Variants in RTN4RL1 observed in about 807,000 individuals in gnomAD.
RTN4RL1 encodes reticulon 4 receptor like 1.
RTN4RL1 carries 7 observed loss-of-function variants against 25.6 expected under a neutral mutation model. The ratio of observed to expected loss-of-function variants is 0.27; its 90% confidence interval spans 0.16 to 0.51. The LOEUF is 0.51. RTN4RL1 is among the 20% of genes least tolerant of loss of function. The pLI is 0.97. For synonymous variants in RTN4RL1, 297 were observed against 288.2 expected, an observed-to-expected ratio of 1.03 and a Z score of -0.31; for missense variants, 500 against 615.6, an observed-to-expected ratio of 0.81 and a Z score of 1.99.
At chr17:2,001,760 A>G (rs927135826) in intron 1 of RTN4RL1, among the ~76,000 whole-genome samples, 2 of 152,124 alleles carry the variant, frequency 1.3e-5, no homozygotes, top group Non-Finnish European at 2.9e-5. Flanking sequence ...GCCCCTCCTC[A>G]ATGGCCAGTG....
intron 1 of RTN4RL1, among the ~76,000 whole-genome samples, chr17:1,961,138 T>A (rs1318315945): frequency 2.6e-5 from 4 of 152,070 alleles, no homozygotes; most frequent in Non-Finnish European, 1.5e-5. Flanking sequence ...TATTTGTGGA[T>A]TGAATGAGCC....
At chr17:1,988,506 C>CAAAAAAA (rs777393625) in intron 1 of RTN4RL1, among the ~76,000 whole-genome samples, 1 of 80,480 alleles carries the variant, frequency 1.2e-5, no homozygotes, top group African/African-American at 5.7e-5. Flanking sequence ...GACTCTGTCT[C>CAAAAAAA]AAAAAAAAAA....
intron 1 of RTN4RL1, among the ~76,000 whole-genome samples, chr17:1,991,487 A>G (rs2066908896): frequency 6.6e-6 from 1 of 151,700 alleles, no homozygotes; most frequent in South Asian, 2.1e-4. Context: ...CAAAGAACAC[A>G]AAAGGGTATA....
intron 1 of RTN4RL1, among the ~76,000 whole-genome samples, chr17:2,022,916 C>A (rs912786414): frequency 3.9e-5 from 6 of 152,204 alleles, no homozygotes; most frequent in Non-Finnish European, 8.8e-5. Flanking sequence ...AGCCTCCCCC[C>A]GGGGAGCGGC....
intron 1 of RTN4RL1, among the ~76,000 whole-genome samples, chr17:1,940,908 G>T (rs1308038263): frequency 6.6e-6 from 1 of 152,168 alleles, no homozygotes; most frequent in South Asian, 2.1e-4. Flanking sequence ...TTTTGGGGAC[G>T]GGGCCACAGC....
rs562227289 is a variant in RTN4RL1 at position 1,935,895 on chromosome 17, T to A, written c.*601A>T. 1.5e-3 allele frequency: 1,441 copies of A among 985,484 alleles called. 1 individual carries two copies. The highest frequency in any genetic ancestry group is 1.6e-3 in the Non-Finnish European group (1,340 of 829,886). 61.0% of individuals were successfully genotyped at this position (985,484 alleles called of 1,614,324 possible). On this transcript the variant is annotated 3_prime_UTR_variant, in exon 2 of 2. Transcript: ENST00000331238. The stretch of plus-strand genomic sequence containing the variant: ...GTAATTGGTTCTTGGACCCCAGCAG[T>A]TGGACCTGGGTCTGCCAGGGTTGCC...
intron 1 of RTN4RL1, among the ~76,000 whole-genome samples, chr17:1,982,976 G>T (rs940769807): frequency 2.6e-5 from 4 of 152,124 alleles, no homozygotes; most frequent in African/African-American, 9.7e-5. Context: ...GCAGCAACCC[G>T]CAAACTGGGC....
chr17:1,972,559 C>A (rs2066825174), intron 1 of RTN4RL1, among the ~76,000 whole-genome samples: 1 of 152,104 alleles, frequency 6.6e-6, no homozygotes, highest in Non-Finnish European at 1.5e-5. Context: ...CCCTCTCTAC[C>A]CTCTGTCTCC....
intron 1 of RTN4RL1, among the ~76,000 whole-genome samples, chr17:2,022,539 A>G (rs950580345): frequency 5.3e-5 from 8 of 152,256 alleles, no homozygotes; most frequent in African/African-American, 1.9e-4. Context: ...AGCCTCAGGC[A>G]TGCTTTTGGC....
intron 1 of RTN4RL1, among the ~76,000 whole-genome samples, chr17:1,956,615 G>C (rs1567508876): frequency 1.4e-4 from 21 of 152,056 alleles, no homozygotes. Flanking sequence ...GAGTTAGATC[G>C]TTTCTCATTT....
At chr17:1,951,901 G>T (rs1425667543) in intron 1 of RTN4RL1, among the ~76,000 whole-genome samples, 2 of 152,220 alleles carry the variant, frequency 1.3e-5, no homozygotes, top group African/African-American at 4.8e-5. Context: ...GAGGCAGAAG[G>T]CATATGGAGT....
rs758611780 is a variant in RTN4RL1 at position 1,999,712 on chromosome 17, G to C, written c.13+25141C>G. Among the ~76,000 whole-genome samples, 5 of 151,762 alleles carry C rather than the reference G, an allele frequency of 3.3e-5. No homozygotes were observed. In the East Asian group the frequency reaches 5.8e-4, roughly 18 times the overall value. On this transcript the variant is annotated intron_variant, in intron 1 of 1. Coordinates refer to ENST00000331238, the MANE Select transcript of RTN4RL1 (RefSeq NM_178568.4). ...CACACGCACAGGCACACACACTCTT[G>C]CGTGCTGACTGCAGGCGGCTGGGGA...
At chr17:2,011,297 G>C (rs1211848623) in intron 1 of RTN4RL1, among the ~76,000 whole-genome samples, 6 of 152,124 alleles carry the variant, frequency 3.9e-5, no homozygotes, top group Non-Finnish European at 7.4e-5. Flanking sequence ...TTGTCAAATG[G>C]AGACAGCCCT....
intron 1 of RTN4RL1, among the ~76,000 whole-genome samples, chr17:1,953,424 G>A (rs1435578131): frequency 6.6e-6 from 1 of 151,870 alleles, no homozygotes; most frequent in Admixed American, 6.6e-5. Context: ...TTGGGGGGAG[G>A]GATAGCATTA....
intron 1 of RTN4RL1, among the ~76,000 whole-genome samples, chr17:1,940,811 C>T (rs1012862382): frequency 2.0e-5 from 3 of 152,158 alleles, no homozygotes; most frequent in African/African-American, 4.8e-5. Context: ...GGAGCCGCCC[C>T]GCTCTGCCAC....
At chr17:1,965,459 G>A (rs1422468145) in intron 1 of RTN4RL1, among the ~76,000 whole-genome samples, 1 of 152,144 alleles carries the variant, frequency 6.6e-6, no homozygotes, top group African/African-American at 2.4e-5. Context: ...TGTACCTGTG[G>A]CTGCACAGAG....
At chr17:1,971,726 G>A (rs1188988425) in intron 1 of RTN4RL1, among the ~76,000 whole-genome samples, 1 of 152,028 alleles carries the variant, frequency 6.6e-6, no homozygotes, top group Non-Finnish European at 1.5e-5. Flanking sequence ...ACTTTGGGGG[G>A]CAGAGGCGGG....
At chr17:1,952,487 C>T (rs980390409) in intron 1 of RTN4RL1, among the ~76,000 whole-genome samples, 3 of 151,886 alleles carry the variant, frequency 2.0e-5, no homozygotes, top group African/African-American at 7.3e-5. Flanking sequence ...CGAATGCAGG[C>T]ATCCACCACC....
chr17:1,979,686 C>A (rs777868735), intron 1 of RTN4RL1, among the ~76,000 whole-genome samples: 3 of 152,134 alleles, frequency 2.0e-5, no homozygotes, highest in African/African-American at 7.2e-5. Context: ...GCAATCACTG[C>A]GCACCTGCTA....
Sources: gnomAD v4.1 joint callset for allele counts (sites outside exome capture counted in the v4.1 genomes callset) on GRCh38, gnomAD v4.1.1 for gene constraint, MANE v1.5 for transcripts, NCBI Gene and HGNC (gene_info 2026-07-23, HGNC 2026-07-21) for gene names.